MRC1: variants seen among roughly 807,000 people sequenced by gnomAD.
MRC1 encodes the protein mannose receptor C-type 1, also known as macrophage mannose receptor 1.
MRC1 carries 62 observed loss-of-function variants against 102.9 expected under a neutral mutation model. That is an observed-to-expected ratio of 0.60 (90% CI 0.49 to 0.74). MRC1 has a LOEUF of 0.74. Among genes scored for constraint, MRC1 ranks in the 30% least tolerant of loss-of-function variants. The pLI, the probability that MRC1 is intolerant of heterozygous loss-of-function variation, is 0.00. For missense variants in MRC1, 1,237 were observed against 862.8 expected (o/e 1.43, Z -5.43); for synonymous variants, 457 against 298.4 (o/e 1.53, Z -5.48).
chr10:17,889,763 C>A (rs923299294), intron 22 of MRC1, among the ~76,000 whole-genome samples: 13 of 152,200 alleles, frequency 8.5e-5, no homozygotes, highest in Admixed American at 2.0e-4. Flanking sequence ...TCACCAAATA[C>A]ATTGCTGTCC....
intron 18 of MRC1, among the ~76,000 whole-genome samples, chr10:17,879,250 T>A (rs1292587090): frequency 6.6e-6 from 1 of 152,196 alleles, no homozygotes; most frequent in African/African-American, 2.4e-5. Context: ...CGGAGCATGA[T>A]GCATAGGACA....
intron 4 of MRC1, among the ~76,000 whole-genome samples, chr10:17,839,336 C>T (rs1227929950): frequency 2.6e-5 from 4 of 152,148 alleles, no homozygotes; most frequent in Non-Finnish European, 5.9e-5. Context: ...AACTTAAATA[C>T]ACTTATTTTC....
At chr10:17,846,591 A>T (rs953494773) in intron 6 of MRC1, among the ~76,000 whole-genome samples, 2 of 152,224 alleles carry the variant, frequency 1.3e-5, no homozygotes, top group African/African-American at 4.8e-5. Context: ...CCTGGAGAAT[A>T]ATTGTTTCTG....
intron 4 of MRC1, among the ~76,000 whole-genome samples, chr10:17,840,021 G>A (rs1411608409): frequency 1.4e-5 from 2 of 140,162 alleles, no homozygotes; most frequent in East Asian, 4.2e-4. Context: ...AGTGGAGATT[G>A]AGCCACTGAA....
chr10:17,869,750 T>G (rs904618717), intron 12 of MRC1, among the ~76,000 whole-genome samples: 1 of 152,216 alleles, frequency 6.6e-6, no homozygotes, highest in Non-Finnish European at 1.5e-5. Flanking sequence ...TGAAGGACAT[T>G]ACCAACAAAA....
At chr10:17,889,218 G>T (rs1482514009) in intron 22 of MRC1, among the ~76,000 whole-genome samples, 1 of 152,014 alleles carries the variant, frequency 6.6e-6, no homozygotes, top group Non-Finnish European at 1.5e-5. Context: ...AATTTGTGTA[G>T]TTAGACCATT....
At chr10:17,840,858 C>A (rs781906078) in intron 5 of MRC1, 52 bp downstream of exon 5, 1 of 780,498 alleles carries the variant, frequency 1.3e-6, no homozygotes, top group Admixed American at 1.7e-5. Flanking sequence ...GTCATCTAGA[C>A]GCCCCGAAGA....
At chr10:17,835,543 G>A (rs1173568345) in intron 4 of MRC1, among the ~76,000 whole-genome samples, 4 of 152,044 alleles carry the variant, frequency 2.6e-5, no homozygotes, top group African/African-American at 4.8e-5. Context: ...TGGAGATCGC[G>A]TCAGAGGGGG....
chr10:17,824,668 A>G (rs1838446532), intron 2 of MRC1, among the ~76,000 whole-genome samples: 1 of 152,202 alleles, frequency 6.6e-6, no homozygotes, highest in African/African-American at 2.4e-5. Context: ...GAGAAACTCA[A>G]CAGAAAATTA....
At chr10:17,906,484 G>C (rs981251282) in intron 26 of MRC1, among the ~76,000 whole-genome samples, 2 of 151,580 alleles carry the variant, frequency 1.3e-5, no homozygotes, top group Non-Finnish European at 2.9e-5. Context: ...CTGAAATTCT[G>C]TTTCCTCTAT....
intron 21 of MRC1, among the ~76,000 whole-genome samples, chr10:17,882,805 G>A (rs953549674): frequency 6.6e-6 from 1 of 152,006 alleles, no homozygotes; most frequent in African/African-American, 2.4e-5. Flanking sequence ...TTCTCCAACT[G>A]GCCTACCCCA....
chr10:17,819,843 G>A (rs1056688382), intron 1 of MRC1, among the ~76,000 whole-genome samples: 2 of 152,166 alleles, frequency 1.3e-5, no homozygotes, highest in African/African-American at 4.8e-5. Flanking sequence ...TACTCGGGAG[G>A]CTGAAGTGGC....
chr10:17,820,634 A>G (rs1371143791), intron 1 of MRC1, among the ~76,000 whole-genome samples: 6 of 152,144 alleles, frequency 3.9e-5, no homozygotes, highest in Admixed American at 2.6e-4. Context: ...ATTATTAACA[A>G]TGAGGTATTA....
intron 9 of MRC1, among the ~76,000 whole-genome samples, chr10:17,857,766 A>G (rs907046337): frequency 1.3e-5 from 2 of 152,202 alleles, no homozygotes; most frequent in African/African-American, 2.4e-5. Context: ...GGGCTTTGGC[A>G]TACAGTGGTG....
intron 1 of MRC1, among the ~76,000 whole-genome samples, chr10:17,810,206 T>C (rs1838201791): frequency 6.6e-6 from 1 of 152,240 alleles, no homozygotes. Flanking sequence ...CAAATACCTT[T>C]TCCAGTCTGT....
At chr10:17,898,902 C>T (rs1833791198) in intron 24 of MRC1, among the ~76,000 whole-genome samples, 1 of 152,062 alleles carries the variant, frequency 6.6e-6, no homozygotes, top group Non-Finnish European at 1.5e-5. Context: ...GCTAGCCAAC[C>T]AGCAAGCTTC....
intron 11 of MRC1, among the ~76,000 whole-genome samples, chr10:17,864,950 C>T (rs999974349): frequency 5.3e-5 from 8 of 151,978 alleles, no homozygotes; most frequent in Admixed American, 3.9e-4. Context: ...TACTTACACT[C>T]GCACCACCCT....
intron 5 of MRC1, among the ~76,000 whole-genome samples, chr10:17,843,547 C>G (rs1838780903): frequency 2.0e-5 from 3 of 151,964 alleles, no homozygotes; most frequent in African/African-American, 7.3e-5. Flanking sequence ...CACTTGTAGT[C>G]CCAGCTACTC....
At chr10:17,862,894 T>C (rs1833205077) in intron 10 of MRC1, 1 of 152,256 alleles carries the variant, frequency 6.6e-6, no homozygotes, top group South Asian at 2.1e-4. Flanking sequence ...CAGTGCCTTG[T>C]CAACTGAATT....
Sources: gnomAD v4.1 joint callset for allele counts (sites outside exome capture counted in the v4.1 genomes callset) on GRCh38, gnomAD v4.1.1 for gene constraint, MANE v1.5 for transcripts, NCBI Gene and HGNC (gene_info 2026-07-23, HGNC 2026-07-21) for gene names.